EPB41L1: variants seen among roughly 807,000 people sequenced by gnomAD.
EPB41L1 encodes the protein band 4.1-like protein 1.
A neutral mutation model predicts 97.8 loss-of-function variants in EPB41L1; 29 were observed. The ratio of observed to expected loss-of-function variants is 0.30; its 90% CI spans 0.22 to 0.40. The LOEUF is 0.40. Among genes scored for constraint, EPB41L1 ranks in the 10% least tolerant of loss-of-function variants. The probability of loss-of-function intolerance (pLI) is 1.00; values close to 1 mark genes in which losing one functional copy is unlikely to be tolerated. For synonymous variants in EPB41L1, 383 were observed against 459.2 expected (o/e 0.83, Z 2.12); for missense variants, 812 against 1,162.3 (o/e 0.70, Z 4.38).
chr20:36,214,463 C>T (rs762528195), intron 17 of EPB41L1, 23 bp downstream of exon 17: 9 of 1,584,246 alleles, frequency 5.7e-6, no homozygotes, highest in Admixed American at 3.4e-5. Flanking sequence ...CAGGAGGCTT[C>T]CCTCTCTGAC....
chr20:36,131,238 G>C (rs2059196484), intron 2 of EPB41L1, among the ~76,000 whole-genome samples: 1 of 152,156 alleles, frequency 6.6e-6, no homozygotes, highest in African/African-American at 2.4e-5. Context: ...GCCTCCCAAA[G>C]TGCTGGGATT....
At chr20:36,155,665 A>T (rs2060265323) in intron 1 of EPB41L1, 6 of 456,076 alleles carry the variant, frequency 1.3e-5, no homozygotes, top group Non-Finnish European at 2.6e-5. Flanking sequence ...TGAAGTCTGG[A>T]CAAGGACCAA....
At chr20:36,124,573 G>A (rs749551471) in intron 2 of EPB41L1, among the ~76,000 whole-genome samples, 19 of 152,058 alleles carry the variant, frequency 1.2e-4, no homozygotes, top group South Asian at 4.2e-4. Flanking sequence ...GCTCTTTGCC[G>A]CCTTGGCTCC....
chr20:36,114,444 AG>A (rs965735596), intron 2 of EPB41L1, among the ~76,000 whole-genome samples: 1 of 152,110 alleles, frequency 6.6e-6, no homozygotes, highest in African/African-American at 2.4e-5. Context: ...CCCAGGTGAT[AG>A]GGGTGGTGCC....
At chr20:36,103,950 C>T (rs534526244) in intron 1 of EPB41L1, among the ~76,000 whole-genome samples, 9 of 152,180 alleles carry the variant, frequency 5.9e-5, no homozygotes, top group East Asian at 1.9e-4. Context: ...ATGATCTGCC[C>T]GCCTCGGCCT....
chr20:36,130,476 A>G (rs1459110146), intron 2 of EPB41L1, among the ~76,000 whole-genome samples: 1 of 152,130 alleles, frequency 6.6e-6, no homozygotes, highest in Non-Finnish European at 1.5e-5. Context: ...GTCGTTACTG[A>G]GGATTCTATT....
In EPB41L1 at chr20:36,190,242, G is replaced by C. The variant is rs2061888023; in HGVS notation, c.1027-35G>C. 1.9e-6 allele frequency: 3 copies of C among 1,550,246 alleles called. No individual in the cohort carries two copies. Among genetic ancestry groups the C allele is most frequent in the Non-Finnish European group, 2.7e-6 (3 of 1,122,486 alleles). ...TGGGCTAGTGGCGAGAGTGAGCTCAGGCCCTGCCTCTAACCTGCCCTTTTG... is the reference window on the plus strand; with the variant it reads ...TGGGCTAGTGGCGAGAGTGAGCTCACGCCCTGCCTCTAACCTGCCCTTTTG... On this transcript the variant is annotated intron_variant, in intron 9 of 21. Coordinates refer to ENST00000338074, the MANE Select transcript of EPB41L1 (RefSeq NM_012156.2). This position sits in a 1 kb window ranked among gnomAD's most constrained non-coding sequence, Gnocchi z 5.8.
rs913483607 is a variant in EPB41L1, at chr20:36,229,170, C to T, written c.2638-162C>T. Among the ~76,000 whole-genome samples the T allele has an allele frequency of 3.3e-5, 5 of 152,166 alleles. No homozygotes were observed. In the South Asian group the frequency reaches 8.3e-4, roughly 25 times the overall value. On this transcript the variant is annotated intron_variant, in intron 21 of 21. Transcript: ENST00000338074. Reference sequence around the variant, plus strand: ...GGATTACAGGTGCAAGTCACTCTACCTTGCTGAGTCACAATAAAGGGCATA... The same window carrying T: ...GGATTACAGGTGCAAGTCACTCTACTTTGCTGAGTCACAATAAAGGGCATA...
Position 36,173,928 on chromosome 20 carries a change from C to T in EPB41L1, c.151C>T (p.Gln51Ter). 1 of 1,613,798 alleles carries T rather than the reference C, an allele frequency of 6.2e-7. No individual in the cohort carries two copies. Among genetic ancestry groups the T allele is most frequent in the Non-Finnish European group, 8.5e-7 (1 of 1,179,846 alleles). Residue 51 changes from glutamine (Q) to a stop codon, truncating the protein, a stop_gained, in exon 2 of 22, where the codon CAG (glutamine) becomes TAG (stop). Coordinates refer to ENST00000338074, the MANE Select transcript of EPB41L1 (RefSeq NM_012156.2). LOFTEE classifies it high-confidence loss of function. ...CAACTCCAATGAGAAGCATCCATCC[C>T]AGCAGGACACGCGGCCTGCTGAACA... ...EANSNEKHPS[Q>*]QDTRPAEQSL...
At chr20:36,132,573 G>GCA (rs1372178527) in intron 2 of EPB41L1, among the ~76,000 whole-genome samples, 1 of 79,034 alleles carries the variant, frequency 1.3e-5, no homozygotes. Context: ...TGGGCGGGGG[G>GCA]GGGGGGCGCA....
At chr20:36,165,570 G>C (rs1486895922) in intron 1 of EPB41L1, among the ~76,000 whole-genome samples, 1 of 152,144 alleles carries the variant, frequency 6.6e-6, no homozygotes, top group Non-Finnish European at 1.5e-5. Context: ...ATGGTGGCAT[G>C]CACCTGTAAT....
intron 1 of EPB41L1, among the ~76,000 whole-genome samples, chr20:36,110,447 G>A (rs1007687648): frequency 1.3e-5 from 2 of 152,132 alleles, no homozygotes; most frequent in Non-Finnish European, 2.9e-5. Context: ...CTTCTCTCCT[G>A]CCCAGTCCCC....
chr20:36,229,285 C>T (rs1767524541), intron 21 of EPB41L1, 47 bp from the exon 22 acceptor site: 4 of 751,746 alleles, frequency 5.3e-6, no homozygotes, highest in Admixed American at 2.0e-5. Context: ...TCCTTCCTTT[C>T]CCCCCACTCC....
In EPB41L1 at chr20:36,207,149, C is replaced by T. The variant is rs2062866049; in HGVS notation, c.1669-2339C>T. On this transcript the variant is annotated intron_variant, in intron 14 of 21. Coordinates refer to ENST00000338074, the MANE Select transcript of EPB41L1 (RefSeq NM_012156.2). The surrounding 1 kb of genome is among the most constrained non-coding windows in gnomAD (Gnocchi z 4.9). ...CTGGAGGAAGCTTCTCCAAGCCCAA[C>T]CTCCCATGGGTCAGGGGAGCCTTCG... 2 of 1,289,428 alleles carry T rather than the reference C, an allele frequency of 1.6e-6. 1 individual carries two copies. Among genetic ancestry groups the T allele is most frequent in the Non-Finnish European group, 2.0e-6 (2 of 988,628 alleles). 79.9% of individuals were successfully genotyped at this position (1,289,428 alleles called of 1,614,324 possible).
chr20:36,207,082 C>T lies in EPB41L1; in HGVS notation c.1669-2406C>T. ...ATTTCTTCACATGGAGGTGATCATT[C>T]CCCTGCCAGCCTCCCCTGGTCATTC... On this transcript the variant is annotated intron_variant, in intron 14 of 21. Coordinates refer to ENST00000338074, the MANE Select transcript of EPB41L1 (RefSeq NM_012156.2). The surrounding 1 kb of genome is among the most constrained non-coding windows in gnomAD (Gnocchi z 4.9). 1 of 1,289,178 alleles carries T rather than the reference C, an allele frequency of 7.8e-7. No homozygotes were observed. The highest frequency in any genetic ancestry group is 1.0e-6 in the Non-Finnish European group (1 of 988,376). The allele number at this position is 1,289,178 out of a possible 1,614,324, so 79.9% of individuals were successfully genotyped here. A position where few individuals can be genotyped will look rare whatever the true frequency, so the allele number is the denominator to read the frequency against.
intron 21 of EPB41L1, among the ~76,000 whole-genome samples, chr20:36,228,666 T>C (rs1007870825): frequency 4.6e-5 from 7 of 151,906 alleles, no homozygotes; most frequent in Non-Finnish European, 1.0e-4. Flanking sequence ...ACTCAGGGAG[T>C]CTGATTTCAG....
intron 14 of EPB41L1, among the ~76,000 whole-genome samples, chr20:36,201,938 G>T (rs2062520046): frequency 6.6e-6 from 1 of 152,192 alleles, no homozygotes; most frequent in Non-Finnish European, 1.5e-5. Context: ...AACTTCTTTA[G>T]CTGCTGCAAA....
intron 1 of EPB41L1, among the ~76,000 whole-genome samples, chr20:36,097,784 G>A (rs1413007120): frequency 6.6e-6 from 1 of 152,232 alleles, no homozygotes; most frequent in East Asian, 1.9e-4. Context: ...AGTTCCACAT[G>A]GTTGGAATAG....
intron 2 of EPB41L1, chr20:36,125,636 T>C: frequency 6.7e-7 from 1 of 1,487,048 alleles, no homozygotes; most frequent in Non-Finnish European, 9.0e-7. Flanking sequence ...CCTGTGTGTG[T>C]TGGGGACGGC....
Sources: allele counts gnomAD v4.1 joint callset (sites outside exome capture counted in the v4.1 genomes callset), GRCh38; gene constraint gnomAD v4.1.1; non-coding constraint Gnocchi (gnomAD v3.1); transcripts MANE v1.5; gene names NCBI Gene and HGNC (gene_info 2026-07-23, HGNC 2026-07-21).